Variants in PRPF6 observed in about 807,000 individuals in gnomAD.
PRPF6 encodes pre-mRNA-processing factor 6.
Under a neutral mutation model 118.3 loss-of-function variants are expected in PRPF6, and 42 were observed. That is an observed-to-expected ratio of 0.35 (90% CI 0.28 to 0.46). The LOEUF (loss-of-function observed/expected upper bound fraction) is 0.46, where lower values mean the gene tolerates loss of function less well. Among genes scored for constraint, PRPF6 ranks in the 20% least tolerant of loss-of-function variants. PRPF6 has a pLI of 1.00. For missense variants in PRPF6, 662 were observed against 1,255.7 expected (o/e 0.53, Z 7.15); for synonymous variants, 481 against 485.1 (o/e 0.99, Z 0.11).
At position 64,028,532 on chromosome 20, in the gene PRPF6, A is replaced by G. The variant is rs769240478; in HGVS notation, c.2394A>G (p.Thr798=). Residue 798 remains threonine, a synonymous_variant, in exon 18 of 21, where the codon ACA becomes ACG. Transcript: ENST00000266079. The surrounding 1 kb of genome is among the most constrained non-coding windows in gnomAD (Gnocchi z 6.5). The part of the protein sequence containing the change: ...YRAGLKNIAN[T]LMAKALQECP... Reference sequence around the variant, plus strand: ...CGGGGCTGAAGAACATCGCAAATACACTCATGGCCAAGGCGCTGCAGGAGT... The same window carrying G: ...CGGGGCTGAAGAACATCGCAAATACGCTCATGGCCAAGGCGCTGCAGGAGT... The G allele has an allele frequency of 3.7e-6, 6 of 1,613,398 alleles. No homozygotes were observed. In the South Asian group the frequency reaches 5.5e-5, roughly 15 times the overall value.
intron 6 of PRPF6, among the ~76,000 whole-genome samples, chr20:63,997,457 AT>A (rs150179547): frequency 0.014 from 1,855 of 132,454 alleles, 30 homozygotes; most frequent in African/African-American, 0.044. Context: ...AGCCCAGCTA[AT>A]TTTTTTTTTT....
intron 3 of PRPF6, 38 bp from the exon 4 acceptor site, chr20:63,993,369 A>C: frequency 6.6e-7 from 1 of 1,509,018 alleles, no homozygotes; most frequent in South Asian, 1.1e-5. Flanking sequence ...CAGAACAGAC[A>C]TGCAGTGTTT....
At position 63,990,473 on chromosome 20, in the gene PRPF6, C is replaced by CT. The variant is rs534965927; in HGVS notation, c.360-2920dup. On this transcript the variant is annotated intron_variant, in intron 3 of 20. Transcript: ENST00000266079. ...TAAACGTGAATGGCATTGCATTTCA[C>CT]TTTTTTTTTTTTTTGGATACAGGAT... is the stretch of plus-strand genomic sequence containing the variant. Among the ~76,000 whole-genome samples, 565 of 143,154 alleles carry CT rather than the reference C, an allele frequency of 3.9e-3. 4 individuals are homozygous for CT. The highest frequency in any genetic ancestry group is 7.3e-3 in the Middle Eastern group (2 of 274). The allele number at this position is 143,154 out of a possible 152,430, so 93.9% of individuals were successfully genotyped here.
At chr20:63,992,658 TC>T (rs1287964660) in intron 3 of PRPF6, among the ~76,000 whole-genome samples, 1 of 150,856 alleles carries the variant, frequency 6.6e-6, no homozygotes, top group African/African-American at 2.4e-5. Flanking sequence ...CAAAGTAAGA[TC>T]TTTTTTTTTT....
At chr20:64,008,089 T>TAA (rs1944656051) in intron 9 of PRPF6, among the ~76,000 whole-genome samples, 1 of 152,200 alleles carries the variant, frequency 6.6e-6, no homozygotes, top group Admixed American at 6.5e-5. Context: ...CCCGGCCTAA[T>TAA]TTCTTAACAT....
chr20:63,985,154 A>T (rs543337217), intron 3 of PRPF6, 129 bp downstream of exon 3: 24 of 711,904 alleles, frequency 3.4e-5, no homozygotes, highest in South Asian at 3.3e-4. Context: ...GCTAGAGCCC[A>T]GGGGTTTGAG....
intron 6 of PRPF6, 144 bp downstream of exon 6, chr20:63,995,626 T>C: frequency 5.7e-6 from 6 of 1,050,844 alleles, no homozygotes; most frequent in Non-Finnish European, 8.2e-6. Flanking sequence ...TTTTTTTTTT[T>C]TTGGCTTGAT....
intron 6 of PRPF6, among the ~76,000 whole-genome samples, chr20:63,996,963 G>A (rs1337503282): frequency 6.6e-6 from 1 of 151,964 alleles, no homozygotes; most frequent in Non-Finnish European, 1.5e-5. Flanking sequence ...ATTTTTTTGT[G>A]GTAAAATATA....
At chr20:64,003,525 C>A (rs62218089) in intron 9 of PRPF6, among the ~76,000 whole-genome samples, 1 of 152,212 alleles carries the variant, frequency 6.6e-6, no homozygotes, top group Non-Finnish European at 1.5e-5. Context: ...CACATGTGAA[C>A]GTGCTTTCCT....
chr20:64,033,060 G>A lies in PRPF6; in HGVS notation c.*67G>A, dbSNP rs1440215781. On this transcript the variant is annotated 3_prime_UTR_variant, in exon 21 of 21. Coordinates refer to ENST00000266079, the MANE Select transcript of PRPF6 (RefSeq NM_012469.4). ...GCCGCATGTGGAAGGGCTCTGAGCT[G>A]TGTCCTCCTTCATTAAAAGTTTTTA... 3.8e-6 allele frequency: 6 copies of A among 1,598,962 alleles called. No individual in the cohort carries two copies. Among genetic ancestry groups the A allele is most frequent in the Non-Finnish European group, 5.1e-6 (6 of 1,170,526 alleles).
chr20:64,028,361 G>A lies in PRPF6; in HGVS notation c.2340-117G>A, dbSNP rs967528297. ...GGATGAGCTCTGCTGTGGAGGGAAT[G>A]GAGTTTTTGCTGCTGTGACTGGGTG... On this transcript the variant is annotated intron_variant, in intron 17 of 20. Coordinates refer to ENST00000266079, the MANE Select transcript of PRPF6 (RefSeq NM_012469.4). This position sits in a 1 kb window ranked among gnomAD's most constrained non-coding sequence, Gnocchi z 6.5. 2 of 1,026,404 alleles carry A rather than the reference G, an allele frequency of 1.9e-6. No homozygotes were observed. The highest frequency in any genetic ancestry group is 3.2e-5 in the African/African-American group (2 of 63,486). The allele number at this position is 1,026,404 out of a possible 1,614,324, so 63.6% of individuals were successfully genotyped here.
In PRPF6 at chr20:64,031,927, G is replaced by C. The variant is rs1442551589; in HGVS notation, c.2556G>C (p.Trp852Cys). The C allele has an allele frequency of 1.9e-6, 3 of 1,614,136 alleles. No individual in the cohort carries two copies. The highest frequency in any genetic ancestry group is 2.5e-6 in the Non-Finnish European group (3 of 1,180,024). The change falls in exon 20 of 21, where the codon TGG becomes TGC. Residue 852 changes from tryptophan (W) to cysteine (C), a missense_variant. Trp to Cys is a radical substitution (Grantham distance 215, BLOSUM62 -2). Around this residue, in one of 10 missense-constraint regions of PRPF6, gnomAD observed 244 missense variants for 383.7 expected, o/e 0.64. Coordinates refer to ENST00000266079, the MANE Select transcript of PRPF6 (RefSeq NM_012469.4). ...HVLLAVAKLF[W>C]SQRKITKARE... Reference sequence around the variant, plus strand: ...CCTTCTGCTGGAACAGGCTGTTTTGGAGTCAGCGGAAGATCACCAAGGCCA... The same window carrying C: ...CCTTCTGCTGGAACAGGCTGTTTTGCAGTCAGCGGAAGATCACCAAGGCCA...
At chr20:63,990,656 T>C (rs1311265539) in intron 3 of PRPF6, among the ~76,000 whole-genome samples, 1 of 151,392 alleles carries the variant, frequency 6.6e-6, no homozygotes, top group African/African-American at 2.4e-5. Flanking sequence ...TTTCTTTTTT[T>C]TTTTTTGAGA....
intron 19 of PRPF6, 94 bp from the exon 20 acceptor site, chr20:64,031,824 A>G (rs1275681846): frequency 1.9e-6 from 3 of 1,562,604 alleles, no homozygotes; most frequent in Non-Finnish European, 2.6e-6. Flanking sequence ...GCTGCGGGTC[A>G]GGGATGAAGC....
At chr20:64,032,672 A>T (rs191234782) in intron 20 of PRPF6, among the ~76,000 whole-genome samples, 169 bp from the exon 21 acceptor site, 1 of 152,330 alleles carries the variant, frequency 6.6e-6, no homozygotes, top group Admixed American at 6.5e-5. Context: ...TCCTTTGAGG[A>T]ACACACCTGA....
At chr20:64,021,354 TGC>T (rs1315575532) in intron 12 of PRPF6, among the ~76,000 whole-genome samples, 1 of 149,992 alleles carries the variant, frequency 6.7e-6, no homozygotes, top group African/African-American at 2.5e-5. Flanking sequence ...TGTGTGTGTG[TGC>T]GTGTGCATGT....
chr20:63,985,763 G>A (rs979536532), intron 3 of PRPF6, among the ~76,000 whole-genome samples: 5 of 152,212 alleles, frequency 3.3e-5, no homozygotes, highest in African/African-American at 1.2e-4. Flanking sequence ...AGCTGTAACA[G>A]AAAGTGTCCT....
intron 4 of PRPF6, 44 bp downstream of exon 4, chr20:63,993,529 T>A (rs533658747): frequency 6.6e-7 from 1 of 1,510,208 alleles, no homozygotes; most frequent in Non-Finnish European, 9.2e-7. Flanking sequence ...TCTAACGCTC[T>A]CACCCTAACC....
rs143893719 is a variant in PRPF6, at chr20:64,024,196, C to T, written c.1770-359C>T. On this transcript the variant is annotated intron_variant, in intron 13 of 20. Coordinates refer to ENST00000266079, the MANE Select transcript of PRPF6 (RefSeq NM_012469.4). The stretch of plus-strand genomic sequence containing the variant: ...GGATCATAATCTTTATCAGTGGGTC[C>T]GGGGTGCGCTTGTGCTCTGTGGTTC... 9.0e-4 allele frequency among the ~76,000 whole-genome samples: 137 copies of T among 152,190 alleles called. 1 individual carries two copies. In the East Asian group the frequency reaches 0.025, roughly 28 times the overall value.
Sources: allele counts gnomAD v4.1 joint callset (sites outside exome capture counted in the v4.1 genomes callset), GRCh38; gene constraint gnomAD v4.1.1; regional missense constraint gnomAD v4.1.1; non-coding constraint Gnocchi (gnomAD v3.1); transcripts MANE v1.5; gene names NCBI Gene and HGNC (gene_info 2026-07-23, HGNC 2026-07-21).